Variants in MAP4K3 observed in about 807,000 individuals in gnomAD.
MAP4K3 encodes mitogen-activated protein kinase kinase kinase kinase 3, also known as MAPK/ERK kinase kinase kinase 3.
A neutral mutation model predicts 143.5 loss-of-function variants in MAP4K3; 94 were observed. That is an observed-to-expected ratio of 0.65 (90% confidence interval 0.55 to 0.78). The LOEUF (loss-of-function observed/expected upper bound fraction) is 0.78, where lower values mean the gene tolerates loss of function less well. MAP4K3 is among the 30% of genes least tolerant of loss of function. The pLI, the probability that MAP4K3 is intolerant of heterozygous loss-of-function variation, is 0.00. For synonymous variants in MAP4K3, 416 were observed against 347.2 expected (o/e 1.20, Z -2.20); for missense variants, 1,077 against 1,068.1 (o/e 1.01, Z -0.12).
chr2:39,308,030 C>G, intron 14 of MAP4K3, 25 bp from the exon 15 acceptor site: 1 of 1,559,654 alleles, frequency 6.4e-7, no homozygotes, highest in Non-Finnish European at 8.7e-7. Context: ...CCAAGAAACC[C>G]AAGTTATTTA....
chr2:39,328,384 G>A (rs1683566248), intron 8 of MAP4K3, among the ~76,000 whole-genome samples: 3 of 152,034 alleles, frequency 2.0e-5, no homozygotes, highest in South Asian at 4.1e-4. Context: ...GAAAGACTTC[G>A]CTTTTAGAAA....
At chr2:39,378,776 T>C (rs2373530) in intron 1 of MAP4K3, among the ~76,000 whole-genome samples, 120,114 of 151,860 alleles carry the variant, frequency 0.79, 51,022 homozygotes, top group Non-Finnish European at 0.93. Context: ...AAGCCACATA[T>C]TAAAAATCAC....
chr2:39,280,964 A>G (rs1681495407), intron 22 of MAP4K3, among the ~76,000 whole-genome samples: 1 of 152,198 alleles, frequency 6.6e-6, no homozygotes, highest in South Asian at 2.1e-4. Flanking sequence ...TCCATTTACA[A>G]ACTTTTCAGA....
At chr2:39,381,877 A>G (rs1474499875) in intron 1 of MAP4K3, among the ~76,000 whole-genome samples, 1 of 152,140 alleles carries the variant, frequency 6.6e-6, no homozygotes, top group Non-Finnish European at 1.5e-5. Flanking sequence ...AGCTTAGGCT[A>G]CCACCACTTC....
intron 1 of MAP4K3, among the ~76,000 whole-genome samples, chr2:39,405,165 C>T (rs375163420): frequency 6.6e-6 from 1 of 152,222 alleles, no homozygotes; most frequent in South Asian, 2.1e-4. Flanking sequence ...AGTCCTGGTA[C>T]GGGTGGCAAC....
intron 4 of MAP4K3, 144 bp downstream of exon 4, chr2:39,343,244 C>A: frequency 2.1e-6 from 1 of 484,702 alleles, no homozygotes; most frequent in Non-Finnish European, 3.6e-6. Context: ...CCACCTATAT[C>A]TAAAATACCT....
chr2:39,391,358 C>CAAAA (rs755777714), intron 1 of MAP4K3, among the ~76,000 whole-genome samples: 16,921 of 45,338 alleles, frequency 0.37, 5,204 homozygotes, highest in Non-Finnish European at 0.49. Context: ...GACTCCATCT[C>CAAAA]AAAAAAAAAA....
chr2:39,399,848 T>A (rs759219692), intron 1 of MAP4K3, among the ~76,000 whole-genome samples: 1 of 152,198 alleles, frequency 6.6e-6, no homozygotes, highest in Non-Finnish European at 1.5e-5. Flanking sequence ...TTTGTTCTCA[T>A]ATCTAACTAA....
chr2:39,428,822 C>T (rs1477711196), intron 1 of MAP4K3, among the ~76,000 whole-genome samples: 1 of 151,656 alleles, frequency 6.6e-6, no homozygotes, highest in East Asian at 1.9e-4. Context: ...GTAATCCCAG[C>T]ACCTTGGGAG....
intron 1 of MAP4K3, among the ~76,000 whole-genome samples, chr2:39,389,557 C>G (rs1297350425): frequency 6.6e-6 from 1 of 151,944 alleles, no homozygotes; most frequent in Non-Finnish European, 1.5e-5. Flanking sequence ...GAAAAGGAGT[C>G]AGATTATCCA....
At chr2:39,407,751 T>A (rs1380985969) in intron 1 of MAP4K3, among the ~76,000 whole-genome samples, 2 of 152,098 alleles carry the variant, frequency 1.3e-5, no homozygotes, top group Admixed American at 6.5e-5. Flanking sequence ...AATGCTCTTA[T>A]TTTTTATAGA....
intron 8 of MAP4K3, among the ~76,000 whole-genome samples, chr2:39,327,152 T>C (rs554892098): frequency 1.9e-4 from 29 of 152,172 alleles, no homozygotes; most frequent in Non-Finnish European, 2.8e-4. Flanking sequence ...AAGCAACCTA[T>C]AGCTCTACTT....
chr2:39,343,383 C>A lies in MAP4K3; in HGVS notation c.310+5G>T. ...ACCCCTATAAAAATACAACTTTGGT[C>A]TTACCGTGATAAATATCCTGTAAAG... On this transcript the variant is annotated splice_donor_5th_base_variant and intron_variant, in intron 4 of 33. Transcript: ENST00000263881. 6.2e-7 allele frequency: 1 copy of A among 1,609,588 alleles called. No individual in the cohort carries two copies. The highest frequency in any genetic ancestry group is 8.5e-7 in the Non-Finnish European group (1 of 1,176,734).
chr2:39,253,037 G>A (rs1427028496), intron 32 of MAP4K3, among the ~76,000 whole-genome samples: 2 of 152,156 alleles, frequency 1.3e-5, no homozygotes, highest in Non-Finnish European at 2.9e-5. Flanking sequence ...GTGTTTATTA[G>A]CTGTTGACTG....
At chr2:39,344,385 C>T (rs914633446) in intron 3 of MAP4K3, among the ~76,000 whole-genome samples, 1 of 152,068 alleles carries the variant, frequency 6.6e-6, no homozygotes, top group Admixed American at 6.6e-5. Flanking sequence ...CTTGTAACTA[C>T]AATTAATAAA....
intron 1 of MAP4K3, among the ~76,000 whole-genome samples, chr2:39,386,267 C>T (rs2148590217): frequency 6.6e-6 from 1 of 152,274 alleles, no homozygotes; most frequent in South Asian, 2.1e-4. Flanking sequence ...GAGAAACCAA[C>T]CCTGCTGGCA....
intron 6 of MAP4K3, among the ~76,000 whole-genome samples, chr2:39,335,827 T>C (rs1664932919): frequency 6.6e-6 from 1 of 152,142 alleles, no homozygotes; most frequent in Non-Finnish European, 1.5e-5. Flanking sequence ...TGAAATTTCT[T>C]GGAAAATTTG....
At chr2:39,297,074 T>C (rs1435905978) in intron 16 of MAP4K3, among the ~76,000 whole-genome samples, 2 of 152,136 alleles carry the variant, frequency 1.3e-5, no homozygotes, top group Admixed American at 1.3e-4. Context: ...CCTTCAACAT[T>C]TTTGCCCTAA....
At chr2:39,275,895 T>C (rs979932151) in intron 24 of MAP4K3, among the ~76,000 whole-genome samples, 1 of 152,158 alleles carries the variant, frequency 6.6e-6, no homozygotes, top group African/African-American at 2.4e-5. Flanking sequence ...TGTTTTGAGA[T>C]GGAGTCTCAC....
Sources: gnomAD v4.1 joint callset for allele counts (sites outside exome capture counted in the v4.1 genomes callset) on GRCh38, gnomAD v4.1.1 for gene constraint, MANE v1.5 for transcripts, NCBI Gene and HGNC (gene_info 2026-07-23, HGNC 2026-07-21) for gene names.